The following COL22A1 variants were observed in gnomAD, a reference collection of about 807,000 sequenced individuals.
COL22A1 encodes the protein collagen type XXII alpha 1 chain.
COL22A1 carries 221 observed loss-of-function variants against 248.9 expected under a neutral mutation model. The observed-to-expected ratio is 0.89, with a 90% CI of 0.80 to 0.99. The LOEUF is 0.99. Ranked by LOEUF, COL22A1 falls within the 50% of genes least tolerant of loss-of-function variation. The pLI is 0.00. For synonymous variants in COL22A1, 891 were observed against 793.4 expected, an observed-to-expected ratio of 1.12 and a Z score of -2.07; for missense variants, 2,240 against 2,179.0, an observed-to-expected ratio of 1.03 and a Z score of -0.56.
chr8:138,779,555 G>T lies in COL22A1; in HGVS notation c.1658C>A (p.Pro553Gln), dbSNP rs1017515977. ...RDGSKGMRGE[P>Q]GELGEPGLPG... ...CAGCCCCGGCTCTCCCAGCTCTCCT[G>T]GCTCCCCCTGAACAAACAAAACAAC... Residue 553 changes from proline to glutamine, a missense_variant, in exon 14 of 65, where the codon CCA becomes CAA. By Grantham distance (76) the Pro-to-Gln change is moderately conservative (BLOSUM62 -1). Transcript: ENST00000303045. The T allele has an allele frequency of 1.1e-5, 17 of 1,612,518 alleles. No individual in the cohort carries two copies. The highest frequency in any genetic ancestry group is 1.4e-5 in the Non-Finnish European group (17 of 1,178,608).
chr8:138,711,519 G>C (rs140687517), intron 30 of COL22A1, among the ~76,000 whole-genome samples: 2 of 152,286 alleles, frequency 1.3e-5, no homozygotes, highest in East Asian at 1.9e-4. Flanking sequence ...TTGCATTCTG[G>C]AAATGAGTTT....
intron 50 of COL22A1, among the ~76,000 whole-genome samples, chr8:138,626,918 A>C (rs1820293778): frequency 6.6e-6 from 1 of 152,192 alleles, no homozygotes; most frequent in African/African-American, 2.4e-5. Flanking sequence ...AATTCCTATC[A>C]TGGTGAGTAT....
chr8:138,639,321 A>G (rs1336880552), intron 47 of COL22A1, among the ~76,000 whole-genome samples: 2 of 152,118 alleles, frequency 1.3e-5, no homozygotes, highest in Non-Finnish European at 2.9e-5. Flanking sequence ...TCTCTGCCCA[A>G]ATTACTTTTC....
rs35023865 is a variant in COL22A1 at position 138,902,739 on chromosome 8, T to TACACAC, written c.-73+10874_-73+10879dup. Among the ~76,000 whole-genome samples the TACACAC allele has an allele frequency of 7.4e-3, 692 of 93,848 alleles. 15 individuals carry two copies. The highest frequency in any genetic ancestry group is 0.021 in the African/African-American group (474 of 22,066). The allele number at this position is 93,848 out of a possible 152,430, so 61.6% of individuals were successfully genotyped here. A position where few individuals can be genotyped will look rare whatever the true frequency, so the allele number is the denominator to read the frequency against. ...AAAAATTTATAAATATATATATATA[T>TACACAC]ACACACACACACACACACACACACA... On this transcript the variant is annotated intron_variant, in intron 1 of 64. Transcript: ENST00000303045.
intron 40 of COL22A1, among the ~76,000 whole-genome samples, chr8:138,678,957 C>A (rs978611288): frequency 5.9e-5 from 9 of 152,072 alleles, no homozygotes; most frequent in Non-Finnish European, 1.3e-4. Flanking sequence ...GCTCTGTCAC[C>A]CAGGCTGGAG....
intron 1 of COL22A1, among the ~76,000 whole-genome samples, chr8:138,897,852 CA>C (rs1814240115): frequency 6.6e-6 from 1 of 151,166 alleles, no homozygotes; most frequent in Non-Finnish European, 1.5e-5. Context: ...GCTGCTGCAA[CA>C]AATTGCCATG....
intron 2 of COL22A1, among the ~76,000 whole-genome samples, chr8:138,878,842 CTAAAAAATACAAAAAAT>C (rs1486408285): frequency 6.6e-6 from 1 of 152,032 alleles, no homozygotes; most frequent in Non-Finnish European, 1.5e-5. Flanking sequence ...CCCATCTCTA[CTAAAAAATACAAAAAAT>C]TAGCCAGCAG....
chr8:138,684,340 C>T, intron 39 of COL22A1, 85 bp downstream of exon 39: 1 of 859,106 alleles, frequency 1.2e-6, no homozygotes, highest in Non-Finnish European at 2.0e-6. Context: ...ACTGAGGTAA[C>T]CGGAGATGCT....
intron 32 of COL22A1, 21 bp downstream of exon 32, chr8:138,700,091 C>T (rs777059038): frequency 1.8e-5 from 29 of 1,612,302 alleles, no homozygotes; most frequent in South Asian, 1.1e-4. Context: ...CTGGGCACCC[C>T]GAGGCACCGC....
In COL22A1 at chr8:138,814,983, T is replaced by C. The variant is rs560649120; in HGVS notation, c.1246-1964A>G. ...TGTCAAGGGTGGGGCCAGGTGGAGATAATTGAATCCCCATACTGTTCTTGT... is the reference window on the plus strand; with the variant it reads ...TGTCAAGGGTGGGGCCAGGTGGAGACAATTGAATCCCCATACTGTTCTTGT... On this transcript the variant is annotated intron_variant, in intron 7 of 64. Transcript: ENST00000303045. 3.1e-4 allele frequency among the ~76,000 whole-genome samples: 47 copies of C among 152,256 alleles called. 1 individual carries two copies. In the South Asian group the frequency reaches 8.9e-3, roughly 29 times the overall value.
intron 11 of COL22A1, among the ~76,000 whole-genome samples, chr8:138,800,410 A>G (rs1032704230): frequency 6.6e-6 from 1 of 152,188 alleles, no homozygotes; most frequent in African/African-American, 2.4e-5. Flanking sequence ...ACCAGGTATT[A>G]TCTTTTTGGG....
chr8:138,596,956 G>A lies in COL22A1; in HGVS notation c.4380C>T (p.Ser1460=), dbSNP rs377456506. 2 of 1,613,826 alleles carry A rather than the reference G, an allele frequency of 1.2e-6. No individual in the cohort carries two copies. Among genetic ancestry groups the A allele is most frequent in the African/African-American group, 2.7e-5 (2 of 74,918 alleles). ...GAATAAGCCGACGCAGGGTTTCCAT[G>A]GATGGAGACTCCCCCTAGGAGGGAG... The part of the protein sequence containing the change: ...GFPGLRGESP[S]METLRRLIQE... Residue 1460 remains serine, a synonymous_variant, in exon 62 of 65, where the codon TCC becomes TCT. Transcript: ENST00000303045.
chr8:138,792,190 A>G (rs1447274899), intron 12 of COL22A1, among the ~76,000 whole-genome samples: 1 of 152,216 alleles, frequency 6.6e-6, no homozygotes, highest in African/African-American at 2.4e-5. Context: ...TGTCCACTCC[A>G]GGAAAGTTGG....
intron 3 of COL22A1, among the ~76,000 whole-genome samples, chr8:138,855,558 C>T (rs533393002): frequency 3.9e-5 from 6 of 152,278 alleles, no homozygotes; most frequent in South Asian, 2.1e-4. Context: ...CAAAGCCAGC[C>T]GGGAAACTCC....
intron 7 of COL22A1, among the ~76,000 whole-genome samples, chr8:138,815,360 C>T (rs1209457695): frequency 1.3e-5 from 2 of 152,300 alleles, no homozygotes; most frequent in South Asian, 4.2e-4. Flanking sequence ...GCAGTGCTGC[C>T]TTCTCAAGCA....
At chr8:138,720,220 A>G (rs1829763306) in intron 27 of COL22A1, among the ~76,000 whole-genome samples, 1 of 152,064 alleles carries the variant, frequency 6.6e-6, no homozygotes, top group African/African-American at 2.4e-5. Context: ...CTGGCCCGAG[A>G]AGGCTGAACT....
intron 1 of COL22A1, among the ~76,000 whole-genome samples, chr8:138,897,161 C>T (rs970180100): frequency 1.3e-5 from 2 of 152,050 alleles, no homozygotes; most frequent in African/African-American, 2.4e-5. Flanking sequence ...CAGTGTGTAA[C>T]AGAGAGAAGA....
At chr8:138,822,961 A>G (rs1366208625) in intron 6 of COL22A1, among the ~76,000 whole-genome samples, 1 of 151,966 alleles carries the variant, frequency 6.6e-6, no homozygotes, top group Non-Finnish European at 1.5e-5. Flanking sequence ...GGTTTCCTTA[A>G]CCCTTATCCC....
chr8:138,740,329 G>T (rs1011654535), intron 22 of COL22A1, among the ~76,000 whole-genome samples: 2 of 152,208 alleles, frequency 1.3e-5, no homozygotes, highest in African/African-American at 4.8e-5. Context: ...GGATGAGAGA[G>T]AAGAGATGCA....
Sources: allele counts gnomAD v4.1 joint callset (sites outside exome capture counted in the v4.1 genomes callset), GRCh38; gene constraint gnomAD v4.1.1; transcripts MANE v1.5; gene names NCBI Gene and HGNC (gene_info 2026-07-23, HGNC 2026-07-21).